Variants in DENND1A observed in about 807,000 individuals in gnomAD.
DENND1A encodes DENN domain containing 1A, also known as DENN domain-containing protein 1A.
Under a neutral mutation model 113.7 loss-of-function variants are expected in DENND1A, and 51 were observed. That is an observed-to-expected ratio of 0.45 (90% CI 0.36 to 0.57). The LOEUF (loss-of-function observed/expected upper bound fraction) is 0.57, where lower values mean the gene tolerates loss of function less well. Among genes scored for constraint, DENND1A ranks in the 20% least tolerant of loss-of-function variants. DENND1A has a pLI of 0.00. For synonymous variants in DENND1A, 565 were observed against 570.8 expected (o/e 0.99, Z 0.14); for missense variants, 1,258 against 1,395.9 (o/e 0.90, Z 1.57).
chr9:123,637,435 C>T (rs2061763496), intron 9 of DENND1A, among the ~76,000 whole-genome samples: 1 of 152,142 alleles, frequency 6.6e-6, no homozygotes, highest in African/African-American at 2.4e-5. Context: ...GATTCAAACA[C>T]TGCTGTGGTT....
chr9:123,897,574 C>A (rs561367159), intron 1 of DENND1A, among the ~76,000 whole-genome samples: 1 of 152,160 alleles, frequency 6.6e-6, no homozygotes, highest in Non-Finnish European at 1.5e-5. Flanking sequence ...ATAAAGGGAG[C>A]CGCAGGGCAC....
chr9:123,887,083 G>A (rs533508672), intron 1 of DENND1A, among the ~76,000 whole-genome samples: 1 of 152,106 alleles, frequency 6.6e-6, no homozygotes, highest in Non-Finnish European at 1.5e-5. Context: ...GTGTTAATAA[G>A]TTGTCTCATA....
intron 4 of DENND1A, among the ~76,000 whole-genome samples, chr9:123,758,849 G>A (rs1312140289): frequency 6.6e-6 from 1 of 152,156 alleles, no homozygotes; most frequent in Non-Finnish European, 1.5e-5. Flanking sequence ...TTGCCAGGCT[G>A]GAGTGCAGTG....
chr9:123,572,990 C>CT (rs575609634), intron 12 of DENND1A, among the ~76,000 whole-genome samples: 381 of 151,988 alleles, frequency 2.5e-3, no homozygotes, highest in African/African-American at 8.5e-3. Flanking sequence ...GTCAAGGCTT[C>CT]TTTTTTTTCC....
chr9:123,637,082 G>A (rs1431311021), intron 9 of DENND1A, among the ~76,000 whole-genome samples: 2 of 152,206 alleles, frequency 1.3e-5, no homozygotes, highest in Non-Finnish European at 2.9e-5. Flanking sequence ...TCTAAAAGCT[G>A]GCAGAGGAAG....
intron 10 of DENND1A, among the ~76,000 whole-genome samples, chr9:123,625,269 T>G (rs2061152682): frequency 6.6e-6 from 1 of 152,188 alleles, no homozygotes; most frequent in Non-Finnish European, 1.5e-5. Flanking sequence ...CCTTGCAGGG[T>G]TGTTGGAAGA....
At chr9:123,575,515 T>G (rs142424804) in intron 12 of DENND1A, among the ~76,000 whole-genome samples, 2 of 152,302 alleles carry the variant, frequency 1.3e-5, no homozygotes, top group East Asian at 3.9e-4. Context: ...ACCACAGAAG[T>G]GAAATATCCT....
chr9:123,684,735 T>C (rs758830840), intron 5 of DENND1A, among the ~76,000 whole-genome samples: 1 of 152,242 alleles, frequency 6.6e-6, no homozygotes, highest in African/African-American at 2.4e-5. Context: ...TTTTCAAATG[T>C]TCCATCAATG....
intron 8 of DENND1A, 106 bp from the exon 9 acceptor site, chr9:123,652,229 T>C (rs1001779729): frequency 1.0e-6 from 1 of 963,778 alleles, no homozygotes; most frequent in African/African-American, 1.6e-5. Context: ...AAGTATACTC[T>C]GTTCTTTCCC....
chr9:123,631,674 C>A (rs1249325487), intron 9 of DENND1A, among the ~76,000 whole-genome samples: 1 of 152,220 alleles, frequency 6.6e-6, no homozygotes, highest in East Asian at 1.9e-4. Flanking sequence ...ATTTTTTCCA[C>A]ATAGGTAATC....
intron 13 of DENND1A, among the ~76,000 whole-genome samples, chr9:123,470,240 A>G (rs2049289326): frequency 6.6e-6 from 1 of 152,208 alleles, no homozygotes; most frequent in South Asian, 2.1e-4. Flanking sequence ...GAGAGCTGAC[A>G]TGAGTGAGAC....
At chr9:123,473,448 C>T (rs996113677) in intron 13 of DENND1A, among the ~76,000 whole-genome samples, 2 of 152,004 alleles carry the variant, frequency 1.3e-5, no homozygotes, top group African/African-American at 4.8e-5. Flanking sequence ...ACCACATGAC[C>T]AGCCTGGAGC....
intron 18 of DENND1A, among the ~76,000 whole-genome samples, chr9:123,445,386 G>T (rs73666956): frequency 0.02 from 3,097 of 152,362 alleles, 97 homozygotes; most frequent in African/African-American, 0.071. Flanking sequence ...CAGGCAAGGA[G>T]GTGGAAGGTT....
At chr9:123,688,596 A>G (rs1338229233) in intron 5 of DENND1A, among the ~76,000 whole-genome samples, 2 of 152,182 alleles carry the variant, frequency 1.3e-5, no homozygotes, top group African/African-American at 4.8e-5. Context: ...AAGAGGTATG[A>G]TGCGCATTCC....
chr9:123,558,874 C>T (rs762088271), intron 12 of DENND1A, among the ~76,000 whole-genome samples: 2 of 152,134 alleles, frequency 1.3e-5, no homozygotes, highest in Admixed American at 6.6e-5. Context: ...TCCTATGTAC[C>T]GAGGACTATG....
intron 13 of DENND1A, among the ~76,000 whole-genome samples, chr9:123,462,445 C>CGGAGA (rs1165143558): frequency 1.3e-5 from 2 of 152,196 alleles, no homozygotes; most frequent in South Asian, 4.1e-4. Flanking sequence ...CTTCTCCCTG[C>CGGAGA]AGCCTCAGTC....
intron 5 of DENND1A, chr9:123,751,163 A>T (rs1312410000): frequency 6.6e-6 from 1 of 152,270 alleles, no homozygotes; most frequent in Non-Finnish European, 1.5e-5. Flanking sequence ...TCTTAAAGCC[A>T]GACTCCTTTA....
intron 2 of DENND1A, among the ~76,000 whole-genome samples, chr9:123,822,013 G>A (rs1838559139): frequency 6.6e-6 from 1 of 152,134 alleles, no homozygotes; most frequent in Admixed American, 6.5e-5. Context: ...CTGATGTAAA[G>A]AATTAACTGA....
chr9:123,795,257 G>A (rs920476367), intron 2 of DENND1A, among the ~76,000 whole-genome samples: 3 of 152,132 alleles, frequency 2.0e-5, no homozygotes, highest in East Asian at 1.9e-4. Flanking sequence ...ATAAAACTAC[G>A]AAAGCCATTT....
Sources: allele counts gnomAD v4.1 joint callset (sites outside exome capture counted in the v4.1 genomes callset), GRCh38; gene constraint gnomAD v4.1.1; transcripts MANE v1.5; gene names NCBI Gene and HGNC (gene_info 2026-07-23, HGNC 2026-07-21).